PDE10A: variants seen among roughly 807,000 people sequenced by gnomAD.
The protein encoded by PDE10A is phosphodiesterase 10A, also known as cAMP and cAMP-inhibited cGMP 3',5'-cyclic phosphodiesterase 10A.
Under a neutral mutation model 97.7 loss-of-function variants are expected in PDE10A, and 39 were observed. The ratio of observed to expected loss-of-function variants is 0.40; its 90% CI spans 0.31 to 0.52. The LOEUF (loss-of-function observed/expected upper bound fraction) is 0.52. Among genes scored for constraint, PDE10A ranks in the 20% least tolerant of loss-of-function variants. The probability of loss-of-function intolerance (pLI) is 0.56; values close to 1 mark genes in which losing one functional copy is unlikely to be tolerated. For synonymous variants in PDE10A, 371 were observed against 376.8 expected, an observed-to-expected ratio of 0.98 and a Z score of 0.18; for missense variants, 731 against 1,047.8, an observed-to-expected ratio of 0.70 and a Z score of 4.17.
intron 16 of PDE10A, among the ~76,000 whole-genome samples, chr6:165,391,964 T>G (rs1357550394): frequency 6.6e-6 from 1 of 152,150 alleles, no homozygotes; most frequent in Non-Finnish European, 1.5e-5. Flanking sequence ...CCCTCTAAGG[T>G]GTCAGTAGAT....
chr6:165,767,678 C>T (rs1311905902), intron 1 of PDE10A, among the ~76,000 whole-genome samples: 1 of 152,132 alleles, frequency 6.6e-6, no homozygotes, highest in East Asian at 1.9e-4. Context: ...TGTTTATCTA[C>T]TCATTATTTG....
At chr6:165,530,325 C>T (rs1288451536) in intron 2 of PDE10A, among the ~76,000 whole-genome samples, 3 of 151,210 alleles carry the variant, frequency 2.0e-5, no homozygotes, top group Non-Finnish European at 4.4e-5. Context: ...AGTTCTGTCC[C>T]TCTAGAGACC....
chr6:165,673,568 T>G (rs979175637), intron 1 of PDE10A, among the ~76,000 whole-genome samples: 1 of 152,252 alleles, frequency 6.6e-6, no homozygotes, highest in African/African-American at 2.4e-5. Context: ...CACTTCTGGT[T>G]TCAGAATATC....
In PDE10A at chr6:165,737,185, T is replaced by C. The variant is rs566934337; in HGVS notation, c.-614-193617A>G. Among the ~76,000 whole-genome samples, 5 of 152,320 alleles carry C rather than the reference T, an allele frequency of 3.3e-5. No individual in the cohort carries two copies. The East Asian group carries it at 7.7e-4, about 23-fold the overall frequency. On this transcript the variant is annotated intron_variant, in intron 1 of 19. Coordinates refer to the PDE10A transcript ENST00000366882. Reference sequence around the variant, plus strand: ...CAACCAAGAAAAGCCCAGGAGCTCATGGCTTCATGGTAGAGTTCTATCAAA... The same window carrying C: ...CAACCAAGAAAAGCCCAGGAGCTCACGGCTTCATGGTAGAGTTCTATCAAA...
At position 165,845,922 on chromosome 6, in the gene PDE10A, A is replaced by C. The variant is rs527538299; in HGVS notation, c.-615+141607T>G. Among the ~76,000 whole-genome samples, 3 of 152,316 alleles carry C rather than the reference A, an allele frequency of 2.0e-5. No individual in the cohort carries two copies. In the East Asian group the frequency reaches 5.8e-4, roughly 29 times the overall value. ...AATAGGAATGTCTCCATGATAAAAAAACAAAACGAAAAAACCCACTGCCTT... is the reference window on the plus strand; with the variant it reads ...AATAGGAATGTCTCCATGATAAAAACACAAAACGAAAAAACCCACTGCCTT... On this transcript the variant is annotated intron_variant, in intron 1 of 19. Coordinates refer to the PDE10A transcript ENST00000366882.
chr6:165,448,445 C>A (rs924469029), intron 5 of PDE10A, among the ~76,000 whole-genome samples: 2 of 152,146 alleles, frequency 1.3e-5, no homozygotes, highest in African/African-American at 4.8e-5. Context: ...CCTTGACTGG[C>A]CTGAGCCTAC....
intron 1 of PDE10A, among the ~76,000 whole-genome samples, chr6:165,934,116 T>C (rs2128491298): frequency 6.6e-6 from 1 of 150,426 alleles, no homozygotes. Flanking sequence ...CTCGAGTAGC[T>C]GGGATTACAG....
At chr6:165,899,656 T>C (rs1002521239) in intron 1 of PDE10A, among the ~76,000 whole-genome samples, 7 of 152,210 alleles carry the variant, frequency 4.6e-5, no homozygotes, top group Non-Finnish European at 2.9e-5. Flanking sequence ...TCACATTCAA[T>C]CTGAGCCCTA....
intron 1 of PDE10A, among the ~76,000 whole-genome samples, chr6:165,981,879 C>A (rs3846783): frequency 0.14 from 21,031 of 152,124 alleles, 1,822 homozygotes; most frequent in African/African-American, 0.24. Flanking sequence ...GCGATCTGAG[C>A]AATTCTATTA....
intron 5 of PDE10A, among the ~76,000 whole-genome samples, chr6:165,446,360 G>C (rs531884096): frequency 2.1e-4 from 32 of 152,254 alleles, no homozygotes; most frequent in Non-Finnish European, 3.5e-4. Flanking sequence ...GAAGAACAAG[G>C]AAAGTAGTAA....
intron 1 of PDE10A, among the ~76,000 whole-genome samples, chr6:165,775,974 TC>T (rs1778169908): frequency 6.6e-6 from 1 of 152,358 alleles, no homozygotes; most frequent in East Asian, 1.9e-4. Context: ...ATAAATTTAA[TC>T]AGCTTCAACA....
At chr6:165,891,916 G>A (rs1164748106) in intron 1 of PDE10A, among the ~76,000 whole-genome samples, 1 of 150,124 alleles carries the variant, frequency 6.7e-6, no homozygotes, top group Non-Finnish European at 1.5e-5. Flanking sequence ...TCTGAATGGG[G>A]TTTCTTGCCC....
chr6:165,950,000 T>C (rs1009010123), intron 1 of PDE10A: 5 of 152,226 alleles, frequency 3.3e-5, no homozygotes, highest in South Asian at 2.1e-4. Flanking sequence ...AGAATGTTGA[T>C]GCAAGAGGCA....
chr6:165,344,322 T>C (rs1427893903), intron 18 of PDE10A, among the ~76,000 whole-genome samples: 1 of 152,208 alleles, frequency 6.6e-6, no homozygotes, highest in Non-Finnish European at 1.5e-5. Context: ...AATTAAGTGG[T>C]AGTAATTAAG....
chr6:165,467,100 A>G (rs1583340866), intron 3 of PDE10A, among the ~76,000 whole-genome samples: 1 of 152,338 alleles, frequency 6.6e-6, no homozygotes, highest in East Asian at 1.9e-4. Context: ...CCAGAGCCCT[A>G]GCTCCCTTCA....
At chr6:165,396,527 G>A in intron 13 of PDE10A, 68 bp from the exon 14 acceptor site, 10 of 1,477,488 alleles carry the variant, frequency 6.8e-6, no homozygotes, top group Non-Finnish European at 9.2e-6. Flanking sequence ...TGTCACGGAA[G>A]TTCAGAATTT....
At chr6:165,539,341 A>T (rs1783283489) in intron 2 of PDE10A, among the ~76,000 whole-genome samples, 1 of 152,212 alleles carries the variant, frequency 6.6e-6, no homozygotes, top group Non-Finnish European at 1.5e-5. Context: ...ATCTTTGAGG[A>T]GTTGTCATGT....
At chr6:165,647,089 G>C (rs1406904693) in intron 1 of PDE10A, among the ~76,000 whole-genome samples, 2 of 152,168 alleles carry the variant, frequency 1.3e-5, no homozygotes, top group Non-Finnish European at 2.9e-5. Flanking sequence ...TCAAGTTAGA[G>C]TAAATTAAAT....
intron 1 of PDE10A, among the ~76,000 whole-genome samples, chr6:165,583,972 A>G (rs1175225253): frequency 6.6e-6 from 1 of 152,188 alleles, no homozygotes; most frequent in African/African-American, 2.4e-5. Context: ...AATGAACTGG[A>G]AGTTGAGACT....
Sources: allele counts gnomAD v4.1 joint callset (sites outside exome capture counted in the v4.1 genomes callset), GRCh38; gene constraint gnomAD v4.1.1; transcripts MANE v1.5; gene names NCBI Gene and HGNC (gene_info 2026-07-23, HGNC 2026-07-21).